Variants in SPTSSB observed in about 807,000 individuals in gnomAD.
The protein encoded by SPTSSB is serine palmitoyltransferase small subunit B, also known as androgen down regulated in mouse prostate.
Under a neutral mutation model 7.7 loss-of-function variants are expected in SPTSSB, and 6 were observed. That is an observed-to-expected ratio of 0.78 (90% CI 0.43 to 1.54). The LOEUF (loss-of-function observed/expected upper bound fraction) is 1.54, where lower values mean the gene tolerates loss of function less well. Ranked by LOEUF, SPTSSB falls within the 40% of genes most tolerant of loss-of-function variation. The pLI is 0.01. For synonymous variants in SPTSSB, 28 were observed against 29.7 expected, an observed-to-expected ratio of 0.94 and a Z score of 0.19; for missense variants, 91 against 93.0, an observed-to-expected ratio of 0.98 and a Z score of 0.09.
Position 161,346,367 on chromosome 3 carries a change from T to A in SPTSSB, c.-32-12A>T. ...GCAGTAAGTTTGTCCTGTTAAAGAA[T>A]GTAACAGATTAGAGGATGAGGAACC... On this transcript the variant is annotated splice_polypyrimidine_tract_variant and intron_variant, in intron 2 of 2. Transcript: ENST00000620149. The A allele has an allele frequency of 7.4e-7, 1 of 1,344,774 alleles. No homozygotes were observed. Among genetic ancestry groups the A allele is most frequent in the Non-Finnish European group, 1.1e-6 (1 of 935,584 alleles). 83.3% of individuals were successfully genotyped at this position (1,344,774 alleles called of 1,614,324 possible). A position where few individuals can be genotyped will look rare whatever the true frequency, so the allele number is the denominator to read the frequency against.
chr3:161,347,020 G>A (rs1714273580), intron 2 of SPTSSB, among the ~76,000 whole-genome samples: 1 of 152,090 alleles, frequency 6.6e-6, no homozygotes, highest in Admixed American at 6.6e-5. Flanking sequence ...GGTTTGAGAG[G>A]AGGAGGCTTT....
At chr3:161,356,871 C>G (rs567256670) in intron 2 of SPTSSB, among the ~76,000 whole-genome samples, 17 of 152,016 alleles carry the variant, frequency 1.1e-4, no homozygotes, top group Non-Finnish European at 2.1e-4. Flanking sequence ...AATCCTCGCA[C>G]TTTGAGGGGC....
intron 1 of SPTSSB, among the ~76,000 whole-genome samples, chr3:161,369,964 T>C (rs553448356): frequency 1.3e-5 from 2 of 152,212 alleles, no homozygotes; most frequent in Non-Finnish European, 2.9e-5. Context: ...CTTTAAATGG[T>C]TATTTATCTA....
intron 2 of SPTSSB, among the ~76,000 whole-genome samples, chr3:161,352,756 A>T (rs573415751): frequency 6.6e-6 from 1 of 152,300 alleles, no homozygotes; most frequent in Admixed American, 6.5e-5. Flanking sequence ...TGTTTTGTGA[A>T]AATTCAGTAC....
Position 161,352,460 on chromosome 3 carries a change from C to T in SPTSSB, c.-32-6105G>A, listed in dbSNP as rs575591254. Among the ~76,000 whole-genome samples the T allele has an allele frequency of 2.6e-4, 40 of 152,326 alleles. No individual in the cohort carries two copies. In the South Asian group the frequency reaches 3.7e-3, roughly 14 times the overall value. On this transcript the variant is annotated intron_variant, in intron 2 of 2. Coordinates refer to ENST00000620149, the MANE Select transcript of SPTSSB (RefSeq NM_001040100.2). ...CTGCAAAGGAAAATATTATTACTCTCTTTTATGTGTTACCATTGTAGCAAC... is the reference window on the plus strand; with the variant it reads ...CTGCAAAGGAAAATATTATTACTCTTTTTTATGTGTTACCATTGTAGCAAC...
Position 161,371,411 on chromosome 3 carries a change from G to A in SPTSSB, c.-126+24C>T, listed in dbSNP as rs948937051. On this transcript the variant is annotated intron_variant, in intron 1 of 2. Transcript: ENST00000620149. ...CTACTAAAGCTACTTAACAGTTCAA[G>A]TAGGTATTTTGGAAGATGCTTACCT... 9.1e-6 allele frequency: 9 copies of A among 985,090 alleles called. No individual in the cohort carries two copies. In the African/African-American group the frequency reaches 1.6e-4, roughly 17 times the overall value. The allele number at this position is 985,090 out of a possible 1,614,324, so 61.0% of individuals were successfully genotyped here. A position where few individuals can be genotyped will look rare whatever the true frequency, so the allele number is the denominator to read the frequency against.
intron 1 of SPTSSB, among the ~76,000 whole-genome samples, chr3:161,362,266 C>A (rs1358169568): frequency 6.6e-6 from 1 of 152,056 alleles, no homozygotes; most frequent in African/African-American, 2.4e-5. Context: ...GTTTACTATT[C>A]TTAGAAAAAG....
At chr3:161,349,565 G>A (rs1714423898) in intron 2 of SPTSSB, among the ~76,000 whole-genome samples, 2 of 152,194 alleles carry the variant, frequency 1.3e-5, no homozygotes, top group Non-Finnish European at 1.5e-5. Flanking sequence ...TCGATATATG[G>A]AAAAGAAGGA....
chr3:161,369,343 T>TCTTC (rs1178932127), intron 1 of SPTSSB, among the ~76,000 whole-genome samples: 16 of 105,218 alleles, frequency 1.5e-4, no homozygotes, highest in African/African-American at 5.7e-4. Context: ...TTTCTTTCTT[T>TCTTC]CTTTCTTTCT....
At chr3:161,365,200 G>T (rs1473951666) in intron 1 of SPTSSB, among the ~76,000 whole-genome samples, 1 of 152,234 alleles carries the variant, frequency 6.6e-6, no homozygotes, top group Non-Finnish European at 1.5e-5. Context: ...CAATATAAGA[G>T]ATGCACTACT....
chr3:161,371,098 T>C lies in SPTSSB; in HGVS notation c.-126+337A>G, dbSNP rs2306210. Among the ~76,000 whole-genome samples the C allele has an allele frequency of 5.7e-3, 863 of 152,286 alleles. 55 individuals carry two copies. In the East Asian group the frequency reaches 0.14, roughly 25 times the overall value. On this transcript the variant is annotated intron_variant, in intron 1 of 2. Transcript: ENST00000620149. ...ACGGAACTAGGTAAAGATGAATATT[T>C]AAGAAGGAAACCAAGCACAACCCAA...
chr3:161,347,149 T>C (rs1714283723), intron 2 of SPTSSB, among the ~76,000 whole-genome samples: 1 of 152,226 alleles, frequency 6.6e-6, no homozygotes, highest in South Asian at 2.1e-4. Context: ...GAATCAACAG[T>C]ATACTGAGAA....
chr3:161,354,364 A>C (rs1306095275), intron 2 of SPTSSB, among the ~76,000 whole-genome samples: 1 of 152,202 alleles, frequency 6.6e-6, no homozygotes, highest in Non-Finnish European at 1.5e-5. Context: ...ATTTATTGAG[A>C]CAAGGTCTCG....
At chr3:161,359,648 T>C (rs1276881406) in intron 2 of SPTSSB, 154 bp downstream of exon 2, 3 of 832,598 alleles carry the variant, frequency 3.6e-6, no homozygotes, top group Non-Finnish European at 4.3e-6. Flanking sequence ...TTTATTCCTT[T>C]GTATCATCTC....
At chr3:161,353,058 C>T (rs1368033342) in intron 2 of SPTSSB, among the ~76,000 whole-genome samples, 1 of 151,910 alleles carries the variant, frequency 6.6e-6, no homozygotes, top group African/African-American at 2.4e-5. Flanking sequence ...CTTTTCCTCT[C>T]TTTCTATTTA....
In SPTSSB at chr3:161,345,660, A is replaced by G. The variant is rs1396582726; in HGVS notation, c.*433T>C. 1.3e-5 allele frequency: 2 copies of G among 154,032 alleles called. No individual in the cohort carries two copies. Among genetic ancestry groups the G allele is most frequent in the East Asian group, 3.8e-4 (2 of 5,222 alleles). The allele number at this position is 154,032 out of a possible 1,614,324, so 9.5% of individuals were successfully genotyped here. A position where few individuals can be genotyped will look rare whatever the true frequency, so the allele number is the denominator to read the frequency against. Reference sequence around the variant, plus strand: ...ATTCACATCTTTTTATACATCGTAAACAAGGATAGGATACTTCTGACAGTA... The same window carrying G: ...ATTCACATCTTTTTATACATCGTAAGCAAGGATAGGATACTTCTGACAGTA... On this transcript the variant is annotated 3_prime_UTR_variant, in exon 3 of 3. Transcript: ENST00000620149.
At chr3:161,363,543 A>G (rs1715097943) in intron 1 of SPTSSB, among the ~76,000 whole-genome samples, 1 of 152,050 alleles carries the variant, frequency 6.6e-6, no homozygotes, top group South Asian at 2.1e-4. Flanking sequence ...TCTTATAGAA[A>G]TAAAGTATCC....
chr3:161,370,836 A>T (rs1404069013), intron 1 of SPTSSB, among the ~76,000 whole-genome samples: 1 of 152,244 alleles, frequency 6.6e-6, no homozygotes, highest in Non-Finnish European at 1.5e-5. Context: ...TCCCCATGGC[A>T]AAGTTAACTA....
chr3:161,369,296 TTCTTTCTTTCTTTCTTTC>T (rs774505613), intron 1 of SPTSSB, among the ~76,000 whole-genome samples: 2,719 of 68,478 alleles, frequency 0.04, 60 homozygotes, highest in East Asian at 0.11. Context: ...TTTTCTTTCT[TTCTTTCTTTCTTTCTTTC>T]TCTTTCTTTC....
Sources: allele counts gnomAD v4.1 joint callset (sites outside exome capture counted in the v4.1 genomes callset), GRCh38; gene constraint gnomAD v4.1.1; transcripts MANE v1.5; gene names NCBI Gene and HGNC (gene_info 2026-07-23, HGNC 2026-07-21).